Variants in GRIP1 observed in about 807,000 individuals in gnomAD.
GRIP1 encodes glutamate receptor interacting protein 1, also known as glutamate receptor-interacting protein 1.
Under a neutral mutation model 129.9 loss-of-function variants are expected in GRIP1, and 45 were observed. The ratio of observed to expected loss-of-function variants is 0.35; its 90% confidence interval spans 0.27 to 0.44. GRIP1 has a LOEUF of 0.44. Among genes scored for constraint, GRIP1 ranks in the 20% least tolerant of loss-of-function variants. The pLI, the probability that GRIP1 is intolerant of heterozygous loss-of-function variation, is 1.00. For missense variants in GRIP1, 1,196 were observed against 1,396.8 expected (o/e 0.86, Z 2.29); for synonymous variants, 530 against 520.8 (o/e 1.02, Z -0.24).
At chr12:66,390,930 G>C (rs2056560297) in intron 19 of GRIP1, among the ~76,000 whole-genome samples, 1 of 152,112 alleles carries the variant, frequency 6.6e-6, no homozygotes, top group South Asian at 2.1e-4. Context: ...ATTCTACTTA[G>C]GTGTTCAAAG....
At chr12:66,927,322 A>G (rs933533106) in intron 1 of GRIP1, among the ~76,000 whole-genome samples, 1 of 152,190 alleles carries the variant, frequency 6.6e-6, no homozygotes, top group African/African-American at 2.4e-5. Context: ...GTGTCAGGCA[A>G]TGTGTCAGAT....
At chr12:67,053,798 A>G (rs2135859960) in intron 1 of GRIP1, among the ~76,000 whole-genome samples, 2 of 151,902 alleles carry the variant, frequency 1.3e-5, no homozygotes, top group African/African-American at 4.8e-5. Context: ...AGATCGCACC[A>G]CTGCACTCCA....
At chr12:66,397,212 T>C (rs769683903) in intron 16 of GRIP1, among the ~76,000 whole-genome samples, 1 of 149,910 alleles carries the variant, frequency 6.7e-6, no homozygotes, top group Non-Finnish European at 1.5e-5. Context: ...AACCAACTGT[T>C]ATAAAAAGGT....
At chr12:66,697,687 C>A (rs185657959) in intron 1 of GRIP1, among the ~76,000 whole-genome samples, 7 of 152,272 alleles carry the variant, frequency 4.6e-5, no homozygotes, top group African/African-American at 1.2e-4. Context: ...GAAACTGATG[C>A]CTCTTTCTCT....
chr12:66,533,400 C>T (rs1259412770), intron 4 of GRIP1, among the ~76,000 whole-genome samples: 1 of 151,730 alleles, frequency 6.6e-6, no homozygotes, highest in East Asian at 2.0e-4. Context: ...AATCCCAGCA[C>T]TTTAGGAGGC....
intron 1 of GRIP1, among the ~76,000 whole-genome samples, chr12:66,932,892 C>A (rs896409849): frequency 3.3e-5 from 5 of 152,102 alleles, no homozygotes; most frequent in Admixed American, 6.5e-5. Flanking sequence ...TAGTCTTGAA[C>A]CCCTGACCTC....
At chr12:66,453,150 A>T (rs562586945) in intron 11 of GRIP1, among the ~76,000 whole-genome samples, 1 of 152,336 alleles carries the variant, frequency 6.6e-6, no homozygotes, top group South Asian at 2.1e-4. Flanking sequence ...CATATCAGTG[A>T]CAGCGCTGCC....
At chr12:66,436,326 G>A (rs753502085) in intron 13 of GRIP1, among the ~76,000 whole-genome samples, 1 of 152,062 alleles carries the variant, frequency 6.6e-6, no homozygotes, top group African/African-American at 2.4e-5. Context: ...AAGGCACTGG[G>A]GGCTCCATAA....
Position 66,689,111 on chromosome 12 carries a change from C to T in GRIP1, c.-419-58775G>A, listed in dbSNP as rs528720978. The stretch of plus-strand genomic sequence containing the variant: ...GCAGGCTGGCTGGGAACTGACCAGA[C>T]GACCAAATTGAGGCCAGATACTTGA... On this transcript the variant is annotated intron_variant, in intron 1 of 4. Transcript: ENST00000538373. Among the ~76,000 whole-genome samples, 45 of 152,276 alleles carry T rather than the reference C, an allele frequency of 3.0e-4. 1 individual carries two copies. Among genetic ancestry groups the T allele is most frequent in the Middle Eastern group, 6.8e-3 (2 of 294 alleles).
At chr12:66,795,372 T>C (rs902250335) in intron 1 of GRIP1, among the ~76,000 whole-genome samples, 2 of 152,174 alleles carry the variant, frequency 1.3e-5, no homozygotes, top group African/African-American at 4.8e-5. Flanking sequence ...CACATACTAC[T>C]GCCAGCAGAA....
chr12:66,659,897 T>C (rs192229399), intron 1 of GRIP1, among the ~76,000 whole-genome samples: 72 of 152,296 alleles, frequency 4.7e-4, no homozygotes, highest in Admixed American at 1.5e-3. Flanking sequence ...TGGTCTTATA[T>C]AGTATAAACT....
intron 1 of GRIP1, among the ~76,000 whole-genome samples, chr12:66,941,009 G>T (rs1224022107): frequency 6.6e-6 from 1 of 151,876 alleles, no homozygotes; most frequent in East Asian, 1.9e-4. Context: ...AGCTCCTAAA[G>T]AAAACAATAT....
At chr12:66,422,672 T>G (rs1030146962) in intron 14 of GRIP1, among the ~76,000 whole-genome samples, 1 of 152,234 alleles carries the variant, frequency 6.6e-6, no homozygotes, top group Non-Finnish European at 1.5e-5. Flanking sequence ...TCTGTCATCC[T>G]TGAAAGAGAG....
chr12:66,622,140 T>C (rs1409067772), intron 1 of GRIP1, among the ~76,000 whole-genome samples: 3 of 152,186 alleles, frequency 2.0e-5, no homozygotes, highest in African/African-American at 7.2e-5. Context: ...GGCTGTGCTT[T>C]TGGTGTCATA....
At chr12:66,466,569 CT>C (rs747439807) in intron 7 of GRIP1, among the ~76,000 whole-genome samples, 7 of 144,766 alleles carry the variant, frequency 4.8e-5, no homozygotes, top group African/African-American at 1.6e-4. Flanking sequence ...TAAAACTTTC[CT>C]TTTTTTGTAT....
intron 19 of GRIP1, among the ~76,000 whole-genome samples, chr12:66,381,751 A>C (rs1205224397): frequency 2.0e-5 from 3 of 152,228 alleles, no homozygotes; most frequent in African/African-American, 7.2e-5. Context: ...GGAAACTGCT[A>C]ACCTTGAAAG....
intron 1 of GRIP1, among the ~76,000 whole-genome samples, chr12:66,894,260 T>C (rs2040709718): frequency 6.6e-6 from 1 of 152,118 alleles, no homozygotes; most frequent in South Asian, 2.1e-4. Context: ...ACTCCCACAA[T>C]TCTGTCTCTC....
chr12:66,572,407 T>C (rs2062994793), intron 2 of GRIP1, among the ~76,000 whole-genome samples: 1 of 152,122 alleles, frequency 6.6e-6, no homozygotes, highest in Admixed American at 6.5e-5. Context: ...AAAGGTAAAG[T>C]GTGTTTCCTT....
At chr12:66,517,142 A>G (rs1281899017) in intron 6 of GRIP1, among the ~76,000 whole-genome samples, 4 of 152,084 alleles carry the variant, frequency 2.6e-5, no homozygotes, top group Admixed American at 6.6e-5. Context: ...GAATCAGTGC[A>G]TTTTCCTCCT....
Sources: allele counts gnomAD v4.1 joint callset (sites outside exome capture counted in the v4.1 genomes callset), GRCh38; gene constraint gnomAD v4.1.1; transcripts MANE v1.5; gene names NCBI Gene and HGNC (gene_info 2026-07-23, HGNC 2026-07-21).